The following PRKG2 variants were observed in gnomAD, a reference collection of about 807,000 sequenced individuals.
PRKG2 encodes the protein cGMP-dependent protein kinase 2.
A neutral mutation model predicts 97.2 loss-of-function variants in PRKG2; 33 were observed. The ratio of observed to expected loss-of-function variants is 0.34; its 90% confidence interval spans 0.26 to 0.45. The LOEUF is 0.45. Ranked by LOEUF, PRKG2 falls within the 20% of genes least tolerant of loss-of-function variation. The probability of loss-of-function intolerance (pLI) is 1.00; values close to 1 mark genes in which losing one functional copy is unlikely to be tolerated. For synonymous variants in PRKG2, 330 were observed against 321.8 expected (o/e 1.03, Z -0.27); for missense variants, 638 against 900.0 (o/e 0.71, Z 3.73).
chr4:81,113,043 C>A (rs953638977), intron 14 of PRKG2, among the ~76,000 whole-genome samples: 1 of 152,030 alleles, frequency 6.6e-6, no homozygotes, highest in Admixed American at 6.5e-5. Context: ...GAGCGGCAGT[C>A]GTGCCACCAA....
intron 2 of PRKG2, among the ~76,000 whole-genome samples, chr4:81,194,952 T>C (rs563142201): frequency 6.6e-6 from 1 of 152,080 alleles, no homozygotes; most frequent in South Asian, 2.1e-4. Context: ...CTATAATCCA[T>C]ATGCCCAGGG....
intron 14 of PRKG2, among the ~76,000 whole-genome samples, chr4:81,120,888 T>C (rs1459480793): frequency 6.6e-6 from 1 of 152,150 alleles, no homozygotes; most frequent in Non-Finnish European, 1.5e-5. Flanking sequence ...AGTGGAAAAG[T>C]TTCTGGTTTC....
chr4:81,181,881 T>C (rs975747114), intron 2 of PRKG2, among the ~76,000 whole-genome samples: 3 of 151,798 alleles, frequency 2.0e-5, no homozygotes, highest in African/African-American at 7.3e-5. Flanking sequence ...AAAATTGTGA[T>C]GAAATGAAAA....
chr4:81,136,230 T>C (rs1746686788), intron 13 of PRKG2, among the ~76,000 whole-genome samples: 1 of 152,206 alleles, frequency 6.6e-6, no homozygotes. Flanking sequence ...TCTACTCAGA[T>C]GCTCAATGTT....
chr4:81,123,058 T>C (rs1745218187), intron 14 of PRKG2, among the ~76,000 whole-genome samples: 1 of 152,250 alleles, frequency 6.6e-6, no homozygotes, highest in Admixed American at 6.5e-5. Flanking sequence ...GGGAACAATA[T>C]TCTACAAGCC....
intron 6 of PRKG2, among the ~76,000 whole-genome samples, chr4:81,155,378 G>T (rs1003650838): frequency 3.3e-5 from 5 of 151,944 alleles, no homozygotes; most frequent in African/African-American, 1.2e-4. Flanking sequence ...GAAGTTTAGA[G>T]AAAAAAGATA....
At chr4:81,165,096 G>A (rs1749868131) in intron 6 of PRKG2, 1 of 152,048 alleles carries the variant, frequency 6.6e-6, no homozygotes, top group Non-Finnish European at 1.5e-5. Context: ...AACTCTTAAT[G>A]AACTCTAGTA....
chr4:81,156,131 T>C (rs1396592165), intron 6 of PRKG2, among the ~76,000 whole-genome samples: 2 of 152,136 alleles, frequency 1.3e-5, no homozygotes, highest in African/African-American at 4.8e-5. Context: ...AGACACAGAC[T>C]GGCAAATTGG....
chr4:81,183,757 C>G (rs984297647), intron 2 of PRKG2, among the ~76,000 whole-genome samples: 1 of 152,130 alleles, frequency 6.6e-6, no homozygotes, highest in South Asian at 2.1e-4. Context: ...GAAATTCTCA[C>G]TGCCAGTACA....
At chr4:81,091,344 G>A (rs551031093) in intron 18 of PRKG2, among the ~76,000 whole-genome samples, 1 of 152,088 alleles carries the variant, frequency 6.6e-6, no homozygotes, top group African/African-American at 2.4e-5. Context: ...GTGCAGTGGC[G>A]TGATCTCGGC....
chr4:81,114,321 T>TG (rs550143285), intron 14 of PRKG2, among the ~76,000 whole-genome samples: 59 of 147,024 alleles, frequency 4.0e-4, no homozygotes, highest in South Asian at 2.4e-3. Context: ...CTGTGTTTGG[T>TG]GAAAAAAAAA....
At chr4:81,138,563 T>C (rs191996923) in intron 12 of PRKG2, among the ~76,000 whole-genome samples, 1,651 of 152,244 alleles carry the variant, frequency 0.011, 23 homozygotes, top group Non-Finnish European at 0.018. Context: ...TATTGATATA[T>C]ATTCATTGAA....
At chr4:81,102,795 T>C (rs183565674) in intron 17 of PRKG2, among the ~76,000 whole-genome samples, 54 of 152,310 alleles carry the variant, frequency 3.5e-4, no homozygotes, top group Non-Finnish European at 6.5e-4. Context: ...GTTTTTGTTT[T>C]GAAGCTGTAC....
At chr4:81,093,406 AG>A (rs1741797099) in intron 17 of PRKG2, among the ~76,000 whole-genome samples, 1 of 120,096 alleles carries the variant, frequency 8.3e-6, no homozygotes, top group African/African-American at 3.6e-5. Context: ...CACACACACA[AG>A]CTTCTTATCC....
chr4:81,212,975 T>C lies in PRKG2; in HGVS notation c.-14+1961A>G, dbSNP rs533342674. Among the ~76,000 whole-genome samples the C allele has an allele frequency of 4.6e-5, 7 of 152,288 alleles. No homozygotes were observed. In the East Asian group the frequency reaches 1.3e-3, roughly 29 times the overall value. On this transcript the variant is annotated intron_variant, in intron 1 of 18. Coordinates refer to ENST00000264399, the MANE Select transcript of PRKG2 (RefSeq NM_006259.3). Reference sequence around the variant, plus strand: ...CAAAATGATTTCAATGTTTTGATCTTAGGAGGCTTGAAGGAAAGTATTACT... The same window carrying C: ...CAAAATGATTTCAATGTTTTGATCTCAGGAGGCTTGAAGGAAAGTATTACT...
intron 2 of PRKG2, among the ~76,000 whole-genome samples, chr4:81,178,369 G>C (rs140622895): frequency 1.3e-5 from 2 of 151,982 alleles, no homozygotes; most frequent in Non-Finnish European, 2.9e-5. Flanking sequence ...GGCATACTAA[G>C]AGAAAAGCCC....
At chr4:81,217,586 T>C (rs966177332), upstream of PRKG2, among the ~76,000 whole-genome samples, 33 of 152,210 alleles carry the variant, frequency 2.2e-4, no homozygotes, top group Admixed American at 2.0e-4. Flanking sequence ...TGCTAAATAC[T>C]TAGAATTCAA....
chr4:81,101,677 T>C (rs1271475318), intron 17 of PRKG2, among the ~76,000 whole-genome samples: 1 of 149,218 alleles, frequency 6.7e-6, no homozygotes, highest in East Asian at 2.0e-4. Context: ...GTAACTAACA[T>C]GCACGTTGTG....
intron 15 of PRKG2, 57 bp downstream of exon 15, chr4:81,110,391 T>C (rs1743777338): frequency 6.5e-7 from 1 of 1,537,088 alleles, no homozygotes; most frequent in Admixed American, 2.1e-5. Flanking sequence ...TATCACTAGT[T>C]AGGTTATTTT....
Sources: gnomAD v4.1 joint callset for allele counts (sites outside exome capture counted in the v4.1 genomes callset) on GRCh38, gnomAD v4.1.1 for gene constraint, MANE v1.5 for transcripts, NCBI Gene and HGNC (gene_info 2026-07-23, HGNC 2026-07-21) for gene names.